The following SLC35D4 variants were observed in gnomAD, a reference collection of about 807,000 sequenced individuals.
SLC35D4 encodes solute carrier family 35 member D4, also known as UDP-N-acetylglucosamine transporter SLC35D4.
the SLC35D4 span, among the ~76,000 whole-genome samples, chr18:23,418,498 A>G: frequency 6.6e-6 from 1 of 150,866 alleles, no homozygotes; most frequent in African/African-American, 2.4e-5. Context: ...CAGCCTCCCA[A>G]GTAGCCATGC....
At chr18:23,275,335 CA>C in the SLC35D4 span, among the ~76,000 whole-genome samples, 4 of 152,134 alleles carry the variant, frequency 2.6e-5, no homozygotes, top group African/African-American at 9.7e-5. Flanking sequence ...GCCAGAGCCT[CA>C]GCTATTGAAG....
At chr18:23,409,161 T>A in the SLC35D4 span, among the ~76,000 whole-genome samples, 2 of 152,004 alleles carry the variant, frequency 1.3e-5, no homozygotes, top group Non-Finnish European at 2.9e-5. Flanking sequence ...AGAAAAAAAG[T>A]AGTATCTATC....
chr18:23,302,320 A>C, the SLC35D4 span, among the ~76,000 whole-genome samples: 1 of 152,222 alleles, frequency 6.6e-6, no homozygotes, highest in Admixed American at 6.5e-5. Context: ...AATTTTCTCC[A>C]CTAGCCCCCA....
the SLC35D4 span, among the ~76,000 whole-genome samples, chr18:23,323,305 G>A: frequency 3.3e-5 from 5 of 152,210 alleles, no homozygotes; most frequent in Non-Finnish European, 7.3e-5. Flanking sequence ...GGAGGTGAAA[G>A]AATAGATCTG....
chr18:23,383,392 G>A, the SLC35D4 span, among the ~76,000 whole-genome samples: 5 of 139,296 alleles, frequency 3.6e-5, 1 homozygote, highest in African/African-American at 1.3e-4. Flanking sequence ...CAGGGAGGGG[G>A]CATGAAGGCC....
the SLC35D4 span, among the ~76,000 whole-genome samples, chr18:23,295,457 G>A: frequency 5.9e-5 from 9 of 151,944 alleles, no homozygotes; most frequent in Non-Finnish European, 1.3e-4. Context: ...ATAAGTGTAA[G>A]GTACCTGTTT....
chr18:23,306,369 C>T, the SLC35D4 span, among the ~76,000 whole-genome samples: 15 of 152,068 alleles, frequency 9.9e-5, no homozygotes, highest in East Asian at 5.8e-4. Context: ...TGCAATGGCG[C>T]GATCTCGGCT....
the SLC35D4 span, among the ~76,000 whole-genome samples, chr18:23,337,905 G>A: frequency 2.0e-5 from 3 of 152,314 alleles, no homozygotes; most frequent in African/African-American, 4.8e-5. Flanking sequence ...ATCTTCATAA[G>A]GATACATCAA....
chr18:23,405,967 C>A, the SLC35D4 span, among the ~76,000 whole-genome samples: 1 of 152,168 alleles, frequency 6.6e-6, no homozygotes, highest in African/African-American at 2.4e-5. Flanking sequence ...ACATGAGCTA[C>A]AAGTGTAGTG....
chr18:23,277,916 C>A, the SLC35D4 span, among the ~76,000 whole-genome samples: 1 of 152,164 alleles, frequency 6.6e-6, no homozygotes, highest in East Asian at 1.9e-4. Flanking sequence ...GAGTCCTCAT[C>A]AAAGCAGAAG....
the SLC35D4 span, among the ~76,000 whole-genome samples, chr18:23,347,051 C>T: frequency 2.0e-5 from 3 of 152,174 alleles, no homozygotes; most frequent in Non-Finnish European, 2.9e-5. Flanking sequence ...ATTCCCTCTT[C>T]CTTTAGTTTC....
the SLC35D4 span, among the ~76,000 whole-genome samples, chr18:23,348,589 AT>A: frequency 6.6e-6 from 1 of 151,856 alleles, no homozygotes; most frequent in Admixed American, 6.6e-5. Flanking sequence ...AAATGTCCCT[AT>A]TTTTTCTCTA....
chr18:23,244,935 TGAA>T, the SLC35D4 span, among the ~76,000 whole-genome samples: 1 of 152,194 alleles, frequency 6.6e-6, no homozygotes, highest in Non-Finnish European at 1.5e-5. Context: ...AAGTAGGAAA[TGAA>T]GGAGGCCGGA....
the SLC35D4 span, among the ~76,000 whole-genome samples, chr18:23,358,664 A>G: frequency 1.0e-3 from 152 of 151,974 alleles, no homozygotes; most frequent in South Asian, 2.7e-3. Context: ...TGGGGATGCT[A>G]TTTTCCTCAC....
chr18:23,256,147 T>G, the SLC35D4 span, among the ~76,000 whole-genome samples: 10 of 152,238 alleles, frequency 6.6e-5, no homozygotes. Flanking sequence ...AGTCAACATC[T>G]GCTCTGTGGG....
the SLC35D4 span, among the ~76,000 whole-genome samples, chr18:23,273,753 C>A: frequency 3.3e-5 from 5 of 152,128 alleles, no homozygotes. Context: ...AGTCTCCTGC[C>A]ACCTAAAGCC....
the SLC35D4 span, among the ~76,000 whole-genome samples, chr18:23,333,561 G>A: frequency 6.6e-6 from 1 of 151,264 alleles, no homozygotes; most frequent in Non-Finnish European, 1.5e-5. Context: ...GGCAGCAAAT[G>A]TTTGGCAATT....
chr18:23,345,153 T>C, the SLC35D4 span, among the ~76,000 whole-genome samples: 2 of 152,120 alleles, frequency 1.3e-5, no homozygotes, highest in Non-Finnish European at 2.9e-5. Context: ...GGTTGGTTTG[T>C]ATATGGATAT....
chr18:23,430,562 C>A, the SLC35D4 span: 1 of 1,335,546 alleles, frequency 7.5e-7, no homozygotes, highest in Non-Finnish European at 1.0e-6. Flanking sequence ...GTTATTAAAA[C>A]TATTTCAAAG....
Sources: gnomAD v4.1 joint callset for allele counts (sites outside exome capture counted in the v4.1 genomes callset) on GRCh38, gnomAD v4.1.1 for gene constraint, MANE v1.5 for transcripts, NCBI Gene and HGNC (gene_info 2026-07-23, HGNC 2026-07-21) for gene names.